Variants in HDAC9 observed in about 807,000 individuals in gnomAD.
HDAC9 encodes MEF-2 interacting transcription repressor (MITR) protein.
Under a neutral mutation model 139.4 loss-of-function variants are expected in HDAC9, and 41 were observed. That is an observed-to-expected ratio of 0.29 (90% confidence interval 0.23 to 0.38). The LOEUF is 0.38. Ranked by LOEUF, HDAC9 falls within the 10% of genes least tolerant of loss-of-function variation. The pLI is 1.00. For missense variants in HDAC9, 1,147 were observed against 1,297.0 expected, an observed-to-expected ratio of 0.88 and a Z score of 1.78; for synonymous variants, 517 against 476.2, an observed-to-expected ratio of 1.09 and a Z score of -1.12.
intron 24 of HDAC9, among the ~76,000 whole-genome samples, chr7:18,956,175 A>G (rs757330037): frequency 1.3e-5 from 2 of 151,926 alleles, no homozygotes; most frequent in African/African-American, 2.4e-5. Context: ...CCCAAAGTCT[A>G]TTTTACACCA....
chr7:18,151,770 T>C (rs1786799804), intron 1 of HDAC9: 1 of 152,216 alleles, frequency 6.6e-6, no homozygotes, highest in African/African-American at 2.4e-5. Flanking sequence ...GTTACTAGCA[T>C]AAAACTTGAG....
At chr7:18,552,078 T>G (rs139281983) in intron 2 of HDAC9, among the ~76,000 whole-genome samples, 25 of 152,330 alleles carry the variant, frequency 1.6e-4, no homozygotes, top group African/African-American at 5.8e-4. Flanking sequence ...AGTAATCCTG[T>G]GTAGTAACTG....
At chr7:18,962,867 A>C (rs1783615748) in intron 24 of HDAC9, among the ~76,000 whole-genome samples, 1 of 152,178 alleles carries the variant, frequency 6.6e-6, no homozygotes, top group Admixed American at 6.5e-5. Flanking sequence ...CTTGAGACTT[A>C]TCAAGTTTAG....
chr7:18,846,418 T>A (rs1238208379), intron 21 of HDAC9, among the ~76,000 whole-genome samples: 2 of 152,176 alleles, frequency 1.3e-5, no homozygotes, highest in Admixed American at 6.5e-5. Context: ...CATGACCTCA[T>A]TAAATTCCGA....
intron 22 of HDAC9, among the ~76,000 whole-genome samples, chr7:18,911,792 A>G (rs1446883832): frequency 6.6e-6 from 1 of 151,872 alleles, no homozygotes; most frequent in Non-Finnish European, 1.5e-5. Context: ...ATATCCATGT[A>G]TTTGTACAGT....
intron 1 of HDAC9, among the ~76,000 whole-genome samples, chr7:18,154,872 C>T (rs1035249686): frequency 1.3e-5 from 2 of 152,152 alleles, no homozygotes; most frequent in African/African-American, 4.8e-5. Flanking sequence ...GGTAGTAGAC[C>T]AGGGGAGACG....
At chr7:18,689,543 T>C (rs1303431204) in intron 12 of HDAC9, among the ~76,000 whole-genome samples, 2 of 152,014 alleles carry the variant, frequency 1.3e-5, no homozygotes, top group African/African-American at 2.4e-5. Context: ...AAATTTCTCT[T>C]AACCAGATAG....
chr7:18,717,261 C>T (rs1584904481), intron 12 of HDAC9, among the ~76,000 whole-genome samples: 1 of 151,972 alleles, frequency 6.6e-6, no homozygotes, highest in East Asian at 1.9e-4. Context: ...ATCCAGCTTC[C>T]CTGAACTGTG....
intron 13 of HDAC9, among the ~76,000 whole-genome samples, chr7:18,736,032 G>A (rs1228225820): frequency 3.3e-5 from 5 of 152,094 alleles, no homozygotes; most frequent in African/African-American, 1.2e-4. Flanking sequence ...TTGACTCTCT[G>A]TTTGTCTGTT....
chr7:18,677,264 T>A (rs1227124096), intron 12 of HDAC9, among the ~76,000 whole-genome samples: 2 of 151,830 alleles, frequency 1.3e-5, no homozygotes, highest in African/African-American at 4.8e-5. Flanking sequence ...TCAGTCTGAA[T>A]TTTTTTTCAA....
At chr7:18,181,587 A>T (rs1789433060) in intron 2 of HDAC9, among the ~76,000 whole-genome samples, 1 of 152,192 alleles carries the variant, frequency 6.6e-6, no homozygotes, top group African/African-American at 2.4e-5. Context: ...CTTAAATTCA[A>T]TTCAGGTGTA....
chr7:18,936,259 G>A (rs1034519072), intron 23 of HDAC9, among the ~76,000 whole-genome samples: 1 of 151,428 alleles, frequency 6.6e-6, no homozygotes, highest in Non-Finnish European at 1.5e-5. Flanking sequence ...ATGTCTGGAG[G>A]TTTCTTGTAG....
intron 2 of HDAC9, among the ~76,000 whole-genome samples, chr7:18,227,413 A>G (rs1165084232): frequency 1.3e-5 from 2 of 152,198 alleles, no homozygotes; most frequent in Non-Finnish European, 2.9e-5. Context: ...GTTTAAGTTC[A>G]TTTTTGGGAA....
intron 1 of HDAC9, among the ~76,000 whole-genome samples, chr7:18,415,727 A>G (rs895246685): frequency 6.6e-6 from 1 of 152,226 alleles, no homozygotes; most frequent in African/African-American, 2.4e-5. Context: ...GTGTTCACTT[A>G]AAATTTTGCA....
chr7:18,676,603 A>C (rs1050845284), intron 12 of HDAC9, among the ~76,000 whole-genome samples: 1 of 152,042 alleles, frequency 6.6e-6, no homozygotes, highest in African/African-American at 2.4e-5. Context: ...GAATTATAGC[A>C]CATTTAATGT....
intron 17 of HDAC9, among the ~76,000 whole-genome samples, chr7:18,812,109 T>C (rs1237532276): frequency 6.6e-6 from 1 of 151,914 alleles, no homozygotes; most frequent in Non-Finnish European, 1.5e-5. Context: ...TACTTTTAAA[T>C]GTTATATTGT....
intron 1 of HDAC9, among the ~76,000 whole-genome samples, chr7:18,361,412 T>C (rs1040902844): frequency 7.2e-5 from 11 of 152,188 alleles, no homozygotes; most frequent in African/African-American, 2.7e-4. Context: ...TCTAATCTAT[T>C]GCATGTCGAT....
intron 1 of HDAC9, among the ~76,000 whole-genome samples, chr7:18,339,486 A>T (rs1363965881): frequency 1.3e-4 from 19 of 151,430 alleles, no homozygotes; most frequent in Admixed American, 1.1e-3. Context: ...AAATATTTTT[A>T]AAAAATTAAA....
intron 1 of HDAC9, among the ~76,000 whole-genome samples, chr7:18,346,358 A>C (rs1005934347): frequency 1.3e-5 from 2 of 152,186 alleles, no homozygotes; most frequent in Non-Finnish European, 2.9e-5. Flanking sequence ...TTACATCTTT[A>C]TGACTATTTT....
Sources: gnomAD v4.1 joint callset for allele counts (sites outside exome capture counted in the v4.1 genomes callset) on GRCh38, gnomAD v4.1.1 for gene constraint, MANE v1.5 for transcripts, NCBI Gene and HGNC (gene_info 2026-07-23, HGNC 2026-07-21) for gene names.